ABI3BP: variants seen among roughly 807,000 people sequenced by gnomAD.
ABI3BP encodes target of Nesh-SH3.
A neutral mutation model predicts 268.6 loss-of-function variants in ABI3BP; 216 were observed. The ratio of observed to expected loss-of-function variants is 0.80; its 90% confidence interval spans 0.72 to 0.90. The LOEUF (loss-of-function observed/expected upper bound fraction) is 0.90, where lower values mean the gene tolerates loss of function less well. ABI3BP is among the 40% of genes least tolerant of loss of function. The pLI is 0.00. For missense variants in ABI3BP, 2,090 were observed against 2,182.4 expected, an observed-to-expected ratio of 0.96 and a Z score of 0.84; for synonymous variants, 730 against 730.0, an observed-to-expected ratio of 1.00 and a Z score of 0.00.
intron 2 of ABI3BP, chr3:100,912,282 A>AC (rs1222352808): frequency 1.3e-5 from 2 of 149,212 alleles, no homozygotes; most frequent in Non-Finnish European, 2.9e-5. Flanking sequence ...TTTGTAAAAA[A>AC]AAAAAAAAAA....
At chr3:100,934,980 A>G (rs1423936028) in intron 1 of ABI3BP, among the ~76,000 whole-genome samples, 1 of 152,110 alleles carries the variant, frequency 6.6e-6, no homozygotes, top group Non-Finnish European at 1.5e-5. Context: ...TCTTTAGTTT[A>G]ATCAGATCCG....
chr3:100,920,990 C>CT (rs1213629495), intron 2 of ABI3BP, among the ~76,000 whole-genome samples: 1 of 152,114 alleles, frequency 6.6e-6, no homozygotes, highest in Non-Finnish European at 1.5e-5. Context: ...CTTTTTTCAG[C>CT]TTAGAGCATT....
rs36046418 is a variant in ABI3BP, at chr3:100,845,845, C to CTT, written c.1723+525_1723+526dup. Among the ~76,000 whole-genome samples the CTT allele has an allele frequency of 1.5e-3, 208 of 140,910 alleles. 1 individual carries two copies. The highest frequency in any genetic ancestry group is 4.2e-3 in the African/African-American group (159 of 38,254). 92.4% of individuals were successfully genotyped at this position (140,910 alleles called of 152,430 possible). ...AATGATCCCTTCCTGCAAAAGCAGC[C>CTT]TTTTTTTTTTTTTTTAAAGGAAAAC... is the stretch of plus-strand genomic sequence containing the variant. On this transcript the variant is annotated intron_variant, in intron 20 of 67. Transcript: ENST00000471714.
rs751897262 is a variant in ABI3BP, at chr3:100,770,941, G to A, written c.4543C>T (p.Arg1515Ter). ...GKPRFKGPHV[R>*]YIQKPDNSPC... Reference sequence around the variant, plus strand: ...CTGTTGTCAGGCTTTTGGATGTATCGCACATGAGGTCCTACGAGAGAGAGG... The same window carrying A: ...CTGTTGTCAGGCTTTTGGATGTATCACACATGAGGTCCTACGAGAGAGAGG... The change falls in exon 62 of 68, where the codon CGA becomes TGA. Residue 1515 changes from arginine (R) to a stop codon, truncating the protein, a stop_gained. Transcript: ENST00000471714. LOFTEE classifies it high-confidence loss of function. 8 of 1,580,578 alleles carry A rather than the reference G, an allele frequency of 5.1e-6. No homozygotes were observed. Among genetic ancestry groups the A allele is most frequent in the East Asian group, 2.3e-5 (1 of 43,004 alleles).
intron 2 of ABI3BP, chr3:100,914,377 C>A (rs955155259): frequency 9.0e-6 from 4 of 444,722 alleles, no homozygotes; most frequent in South Asian, 1.6e-5. Flanking sequence ...ATGCAGTCTG[C>A]GGAACAGGCC....
At chr3:100,843,229 G>A (rs2098727189) in intron 20 of ABI3BP, among the ~76,000 whole-genome samples, 1 of 152,140 alleles carries the variant, frequency 6.6e-6, no homozygotes, top group African/African-American at 2.4e-5. Context: ...AAATTTTTGT[G>A]TTGAGGCTAA....
chr3:100,975,224 G>A (rs898262308), intron 1 of ABI3BP, among the ~76,000 whole-genome samples: 3 of 152,116 alleles, frequency 2.0e-5, no homozygotes, highest in African/African-American at 7.2e-5. Context: ...ACACTTGGAT[G>A]TAGATAAAAG....
Position 100,824,900 on chromosome 3 carries a change from G to T in ABI3BP, c.2704C>A (p.Pro902Thr), listed in dbSNP as rs1298733453. Residue 902 changes from proline (P) to threonine (T), a missense_variant, in exon 36 of 68, where the codon CCT becomes ACT. By Grantham distance (38) the Pro-to-Thr change is conservative. Coordinates refer to ENST00000471714, the MANE Select transcript of ABI3BP (RefSeq NM_001375547.2). ...SKRTRPPRPR[P>T]KTTPSPQAPE... is the part of the protein sequence containing the mutation. Reference sequence around the variant, plus strand: ...GCCTGAGGGCTCGGTGTAGTTTTAGGTCTGGGACGTGGAGGGCGGGTTCTT... The same window carrying T: ...GCCTGAGGGCTCGGTGTAGTTTTAGTTCTGGGACGTGGAGGGCGGGTTCTT... The T allele has an allele frequency of 6.5e-7, 1 of 1,536,186 alleles. No homozygotes were observed. Among genetic ancestry groups the T allele is most frequent in the African/African-American group, 1.4e-5 (1 of 73,146 alleles).
chr3:100,971,505 AT>A (rs1252028230), intron 1 of ABI3BP, among the ~76,000 whole-genome samples: 1 of 152,210 alleles, frequency 6.6e-6, no homozygotes, highest in Non-Finnish European at 1.5e-5. Context: ...TGACAGCATT[AT>A]AAGGAGAAGG....
chr3:100,871,907 G>A (rs917163493), intron 9 of ABI3BP, among the ~76,000 whole-genome samples: 6 of 152,198 alleles, frequency 3.9e-5, no homozygotes, highest in African/African-American at 1.2e-4. Context: ...TGCAGTCAGA[G>A]CTCACTGAAA....
At chr3:100,765,158 G>A (rs345563) in intron 63 of ABI3BP, among the ~76,000 whole-genome samples, 1 of 147,582 alleles carries the variant, frequency 6.8e-6, no homozygotes, top group East Asian at 2.0e-4. Flanking sequence ...AAATGTCTAA[G>A]ACACTTATTT....
In ABI3BP at chr3:100,754,628, T is replaced by C; in HGVS notation, c.4914A>G (p.Ala1638=). The C allele has an allele frequency of 6.3e-7, 1 of 1,587,806 alleles. No homozygotes were observed. The highest frequency in any genetic ancestry group is 8.6e-7 in the Non-Finnish European group (1 of 1,165,766). ...LGEGPVSNTV[A]FSTESADPRV... The stretch of plus-strand genomic sequence containing the variant: ...TGTAATTACCTGATTCAGTACTGAA[T>C]GCCACTGTGTTGCTGACCGGGCCTT... Residue 1638 remains alanine, a synonymous_variant, in exon 64 of 68, where the codon GCA becomes GCG. Transcript: ENST00000471714.
At chr3:100,863,546 C>T (rs964422589) in intron 12 of ABI3BP, 7 of 161,324 alleles carry the variant, frequency 4.3e-5, no homozygotes, top group African/African-American at 1.7e-4. Context: ...GAACTACTGA[C>T]CTCAGGCAAT....
chr3:100,881,088 GC>G (rs2039004156), intron 6 of ABI3BP, among the ~76,000 whole-genome samples: 1 of 152,126 alleles, frequency 6.6e-6, no homozygotes, highest in South Asian at 2.1e-4. Flanking sequence ...CTAACATCTG[GC>G]TAAAAGTCAA....
chr3:100,827,234 C>T (rs552281433), intron 34 of ABI3BP, among the ~76,000 whole-genome samples: 120 of 152,278 alleles, frequency 7.9e-4, no homozygotes, highest in African/African-American at 2.6e-3. Context: ...TTGTGTTCAA[C>T]TAGCCTGCAC....
intron 6 of ABI3BP, 148 bp downstream of exon 6, chr3:100,885,388 A>C: frequency 2.2e-6 from 1 of 455,588 alleles, no homozygotes; most frequent in East Asian, 3.4e-5. Context: ...TATTAAGAAA[A>C]AGAAACTAAT....
At chr3:100,855,044 A>G (rs2098924615) in intron 14 of ABI3BP, among the ~76,000 whole-genome samples, 1 of 152,014 alleles carries the variant, frequency 6.6e-6, no homozygotes, top group Non-Finnish European at 1.5e-5. Flanking sequence ...CTCCTGCCTC[A>G]GCCTCCTGAG....
At chr3:100,852,110 G>A (rs528000431) in intron 14 of ABI3BP, among the ~76,000 whole-genome samples, 170 bp from the exon 15 acceptor site, 5 of 152,220 alleles carry the variant, frequency 3.3e-5, no homozygotes, top group Admixed American at 1.3e-4. Context: ...TCTAAGCACC[G>A]AAACTCGCCT....
rs147393116 is a variant in ABI3BP, at chr3:100,791,794, C to T, written c.4024+897G>A. Among the ~76,000 whole-genome samples, 337 of 151,952 alleles carry T rather than the reference C, an allele frequency of 2.2e-3. 4 individuals are homozygous for T. Among genetic ancestry groups the T allele is most frequent in the African/African-American group, 7.5e-3 (312 of 41,530 alleles). On this transcript the variant is annotated intron_variant, in intron 55 of 67. Coordinates refer to ENST00000471714, the MANE Select transcript of ABI3BP (RefSeq NM_001375547.2). Reference sequence around the variant, plus strand: ...CCTTTACTATAGTCTTTCTTAGTCACGTTTACTTGTAATAAATATTGCCCC... The same window carrying T: ...CCTTTACTATAGTCTTTCTTAGTCATGTTTACTTGTAATAAATATTGCCCC...
Sources: gnomAD v4.1 joint callset for allele counts (sites outside exome capture counted in the v4.1 genomes callset) on GRCh38, gnomAD v4.1.1 for gene constraint, MANE v1.5 for transcripts, NCBI Gene and HGNC (gene_info 2026-07-23, HGNC 2026-07-21) for gene names.